SH2B1: variants seen among roughly 807,000 people sequenced by gnomAD.
SH2B1 encodes the protein SH2B adapter protein 1.
SH2B1 carries 15 observed loss-of-function variants against 62.6 expected under a neutral mutation model. The observed-to-expected ratio is 0.24, with a 90% CI of 0.16 to 0.37. The LOEUF is 0.37. SH2B1 is among the 10% of genes least tolerant of loss of function. The probability of loss-of-function intolerance (pLI) is 1.00; values close to 1 mark genes in which losing one functional copy is unlikely to be tolerated. For synonymous variants in SH2B1, 443 were observed against 438.0 expected, an observed-to-expected ratio of 1.01 and a Z score of -0.14; for missense variants, 925 against 1,015.6, an observed-to-expected ratio of 0.91 and a Z score of 1.21.
chr16:28,850,013 G>A lies in SH2B1; in HGVS notation c.-301+3186G>A, dbSNP rs76867633. Among the ~76,000 whole-genome samples the A allele has an allele frequency of 0.013, 1,980 of 152,238 alleles. 104 individuals are homozygous for A. The East Asian group carries it at 0.18, about 13-fold the overall frequency. On this transcript the variant is annotated intron_variant, in intron 1 of 10. Transcript: ENST00000322610. ...TGAATGGCTAGAGTTTGAGAAACACGGTGTTCGGAAAAGAGCCCAGAGAAA... is the reference window on the plus strand; with the variant it reads ...TGAATGGCTAGAGTTTGAGAAACACAGTGTTCGGAAAAGAGCCCAGAGAAA...
rs149966877 is a variant in SH2B1 at position 28,864,583 on chromosome 16, G to C, written c.-1512G>C. The C allele has an allele frequency of 1.0e-6, 1 of 985,688 alleles. No individual in the cohort carries two copies. Among genetic ancestry groups the C allele is most frequent in the East Asian group, 1.1e-4 (1 of 8,928 alleles). 61.1% of individuals were successfully genotyped at this position (985,688 alleles called of 1,614,324 possible). ...GGGAGGGTTCACCGACTTACAGCCT[G>C]GCTGTAGGTTTGAACAGGAGTCTGA... On this transcript the variant is annotated 5_prime_UTR_variant, in exon 1 of 8. Coordinates refer to ENST00000684370, the MANE Select transcript of SH2B1 (RefSeq NM_001387430.1).
At chr16:28,856,089 A>G (rs1596613376) in intron 1 of SH2B1, among the ~76,000 whole-genome samples, 1 of 132,608 alleles carries the variant, frequency 7.5e-6, no homozygotes, top group South Asian at 2.6e-4. Context: ...AGCCTGGCCA[A>G]CCCCATCTGT....
chr16:28,866,811 C>T lies in SH2B1; in HGVS notation c.717C>T (p.Ala239=), dbSNP rs772611715. 12 of 1,585,110 alleles carry T rather than the reference C, an allele frequency of 7.6e-6. No homozygotes were observed. The highest frequency in any genetic ancestry group is 1.3e-5 in the African/African-American group (1 of 74,224). ...ERLRLSRGGG[A]LKDGAGMVQR... ...TGAGACTCAGTCGGGGAGGGGGCGC[C>T]TTGAAGGATGGAGCAGGGATGGTGC... is the stretch of plus-strand genomic sequence containing the variant. The change falls in exon 1 of 8, where the codon GCC becomes GCT. Residue 239 remains alanine (A), a synonymous_variant. Transcript: ENST00000684370. This position sits in a 1 kb window ranked among gnomAD's most constrained non-coding sequence, Gnocchi z 6.3.
intron 2 of SH2B1, among the ~76,000 whole-genome samples, 197 bp from the exon 3 acceptor site, chr16:28,868,803 GTTGCCC>G (rs1301029672): frequency 6.6e-6 from 1 of 151,890 alleles, no homozygotes; most frequent in Non-Finnish European, 1.5e-5. Context: ...TTCTCACTAT[GTTGCCC>G]AGACTGGTCC....
intron 2 of SH2B1, among the ~76,000 whole-genome samples, chr16:28,868,215 C>T (rs1395482683): frequency 6.6e-6 from 1 of 152,020 alleles, no homozygotes; most frequent in East Asian, 1.9e-4. Flanking sequence ...TCTCGACTCA[C>T]TGCAAGCTCC....
chr16:28,862,685 G>C (rs1268711806), upstream of SH2B1: 2 of 143,638 alleles, frequency 1.4e-5, no homozygotes, highest in Non-Finnish European at 3.0e-5. Context: ...GCGCCATCTC[G>C]GCTCACCGCA....
chr16:28,873,147 C>T lies in SH2B1; in HGVS notation c.1898-300C>T, dbSNP rs1163905576. 6.7e-7 allele frequency: 1 copy of T among 1,494,876 alleles called. No homozygotes were observed. The highest frequency in any genetic ancestry group is 1.2e-5 in the South Asian group (1 of 82,042). 92.6% of individuals were successfully genotyped at this position (1,494,876 alleles called of 1,614,324 possible). A position where few individuals can be genotyped will look rare whatever the true frequency, so the allele number is the denominator to read the frequency against. ...TCCCCTGCCCCACCGTCCCATCTGT[C>T]CCCACGTTGCCCCTCCCCCCAGGCC... On this transcript the variant is annotated intron_variant, in intron 7 of 7. Transcript: ENST00000684370. This position sits in a 1 kb window ranked among gnomAD's most constrained non-coding sequence, Gnocchi z 4.2.
chr16:28,871,886 GCC>G lies in SH2B1; in HGVS notation c.1422_1423del (p.Arg475HisfsTer4). 6.6e-7 allele frequency: 1 copy of G among 1,522,044 alleles called. No homozygotes were observed. Among genetic ancestry groups the G allele is most frequent in the Non-Finnish European group, 9.1e-7 (1 of 1,103,840 alleles). The allele number at this position is 1,522,044 out of a possible 1,614,324, so 94.3% of individuals were successfully genotyped here. A position where few individuals can be genotyped will look rare whatever the true frequency, so the allele number is the denominator to read the frequency against. On this transcript the variant is annotated frameshift_variant, in exon 5 of 8. Transcript: ENST00000684370. LOFTEE classifies it high-confidence loss of function. ...CGATGGAACTGCTTCCCCCAGAGTT[GCC>G]CCCCCGCATCCCCATTGAAGAGGGA... Reference protein sequence around the residue: ...DSMELLPPELPPRIPIEEGPP... With the variant: ...DSMELLPPELXPRIPIEEGPP...
At chr16:28,856,982 C>G (rs1307980440) in intron 1 of SH2B1, among the ~76,000 whole-genome samples, 2 of 152,032 alleles carry the variant, frequency 1.3e-5, no homozygotes, top group Non-Finnish European at 2.9e-5. Flanking sequence ...ACAAAAGCTA[C>G]TAAGTAAAAG....
rs1326743025 is a variant in SH2B1 at position 28,852,549 on chromosome 16, TACACATATTTATATATATAC to T, written c.-301+5726_-301+5745del. ...ATATATACACATATATTTATATATATACACATATTTATATATATACACATATATATTTATATATATACACA... is the reference window on the plus strand; with the variant it reads ...ATATATACACATATATTTATATATATACATATATATTTATATATATACACA... On this transcript the variant is annotated intron_variant, in intron 1 of 10. Transcript: ENST00000322610. 3.4e-4 allele frequency among the ~76,000 whole-genome samples: 10 copies of T among 29,814 alleles called. 2 individuals carry two copies. The highest frequency in any genetic ancestry group is 2.8e-3 in the African/African-American group (8 of 2,908). The allele number at this position is 29,814 out of a possible 152,430, so 19.6% of individuals were successfully genotyped here.
intron 1 of SH2B1, among the ~76,000 whole-genome samples, chr16:28,848,089 G>C (rs1219142811): frequency 6.6e-6 from 1 of 151,648 alleles, no homozygotes. Context: ...GCCTCCCAAA[G>C]TGCTGGGACT....
chr16:28,872,451 G>C lies in SH2B1; in HGVS notation c.1725+50G>C. ...CTGTTCTGTGCATAGTTGGCAGTGG[G>C]GTGGGGGAGCACTGCCGGGGGAGGG... On this transcript the variant is annotated intron_variant, in intron 6 of 7. Coordinates refer to ENST00000684370, the MANE Select transcript of SH2B1 (RefSeq NM_001387430.1). This position sits in a 1 kb window ranked among gnomAD's most constrained non-coding sequence, Gnocchi z 5.3. 1 of 1,572,580 alleles carries C rather than the reference G, an allele frequency of 6.4e-7. No homozygotes were observed. Among genetic ancestry groups the C allele is most frequent in the Non-Finnish European group, 8.7e-7 (1 of 1,155,192 alleles).
intron 1 of SH2B1, among the ~76,000 whole-genome samples, chr16:28,849,208 A>C (rs1319496009): frequency 6.6e-6 from 1 of 151,744 alleles, no homozygotes; most frequent in Non-Finnish European, 1.5e-5. Context: ...AGCTCAATCT[A>C]CCTCAGCCTC....
chr16:28,867,581 T>C lies in SH2B1; in HGVS notation c.1041+149T>C, dbSNP rs924644474. The C allele has an allele frequency of 1.9e-5, 12 of 647,726 alleles. No homozygotes were observed. The African/African-American group carries it at 2.0e-4, about 11-fold the overall frequency. The allele number at this position is 647,726 out of a possible 1,614,324, so 40.1% of individuals were successfully genotyped here. On this transcript the variant is annotated intron_variant, in intron 2 of 7. Coordinates refer to ENST00000684370, the MANE Select transcript of SH2B1 (RefSeq NM_001387430.1). ...CCCTGGGGCTGCAGCTTTTCTGGGATAGCGGAAGACAGGGAAATGTTCTTA... is the reference window on the plus strand; with the variant it reads ...CCCTGGGGCTGCAGCTTTTCTGGGACAGCGGAAGACAGGGAAATGTTCTTA...
chr16:28,868,179 G>A (rs1439045713), intron 2 of SH2B1, among the ~76,000 whole-genome samples: 9 of 150,176 alleles, frequency 6.0e-5, no homozygotes, highest in Non-Finnish European at 1.2e-4. Context: ...TCGCTCTGTC[G>A]CCCAGGCTGG....
rs1043274994 is a variant in SH2B1 at position 28,873,728 on chromosome 16, C to G, written c.2179C>G (p.Pro727Ala). 2.0e-5 allele frequency: 30 copies of G among 1,492,196 alleles called. No homozygotes were observed. The African/African-American group carries it at 3.9e-4, about 20-fold the overall frequency. 92.4% of individuals were successfully genotyped at this position (1,492,196 alleles called of 1,614,324 possible). ...AGSGGDAGVP[P>A]MVQLQQSPLG... ...GTCTGGTGGGGACGCGGGGGTGCCC[C>G]CAATGGTGCAGCTGCAGCAGTCACC... Residue 727 changes from proline (P) to alanine (A), a missense_variant, in exon 8 of 8, where the codon CCA becomes GCA. Around this residue, in one of 3 missense-constraint regions of SH2B1, gnomAD observed 185 missense variants for 189.5 expected, o/e 0.98. Transcript: ENST00000684370. The surrounding 1 kb of genome is among the most constrained non-coding windows in gnomAD (Gnocchi z 4.2).
At chr16:28,858,913 C>T (rs948267107), upstream of SH2B1, among the ~76,000 whole-genome samples, 2 of 148,912 alleles carry the variant, frequency 1.3e-5, no homozygotes, top group African/African-American at 5.0e-5. Context: ...CACTGCACTC[C>T]AGCCTGGGTG....
rs1963188440 is a variant in SH2B1 at position 28,873,852 on chromosome 16, C to T, written c.*32C>T. On this transcript the variant is annotated 3_prime_UTR_variant, in exon 8 of 8. Transcript: ENST00000684370. The surrounding 1 kb of genome is among the most constrained non-coding windows in gnomAD (Gnocchi z 4.2). ...CCCACCCGCTCCACCCTTTTTAAAC[C>T]CCCCAGCCCTGCTCGTGAGATTGGG... The T allele has an allele frequency of 2.1e-6, 3 of 1,402,806 alleles. No homozygotes were observed. Among genetic ancestry groups the T allele is most frequent in the South Asian group, 1.6e-5 (1 of 61,476 alleles). The allele number at this position is 1,402,806 out of a possible 1,614,324, so 86.9% of individuals were successfully genotyped here.
At position 28,872,103 on chromosome 16, in the gene SH2B1, C is replaced by T. The variant is rs1248182594; in HGVS notation, c.1514-87C>T. 5.8e-5 allele frequency: 83 copies of T among 1,425,194 alleles called. No individual in the cohort carries two copies. The Admixed American group carries it at 8.1e-4, about 14-fold the overall frequency. The allele number at this position is 1,425,194 out of a possible 1,614,324, so 88.3% of individuals were successfully genotyped here. A position where few individuals can be genotyped will look rare whatever the true frequency, so the allele number is the denominator to read the frequency against. ...TGGGGACGCATGTGGGGAGCAGGCG[C>T]CTTGAGGGGAAGGCAAGGCTTTTTT... On this transcript the variant is annotated intron_variant, in intron 5 of 7. Coordinates refer to ENST00000684370, the MANE Select transcript of SH2B1 (RefSeq NM_001387430.1). This position sits in a 1 kb window ranked among gnomAD's most constrained non-coding sequence, Gnocchi z 5.3.
Sources: gnomAD v4.1 joint callset for allele counts (sites outside exome capture counted in the v4.1 genomes callset) on GRCh38, gnomAD v4.1.1 for gene constraint, gnomAD v4.1.1 regional missense constraint, Gnocchi (gnomAD v3.1) non-coding constraint, MANE v1.5 for transcripts, NCBI Gene and HGNC (gene_info 2026-07-23, HGNC 2026-07-21) for gene names.